BRCA1: variants seen among roughly 807,000 people sequenced by gnomAD.
BRCA1 encodes the protein BRCA1 DNA repair associated.
BRCA1 carries 140 observed loss-of-function variants against 173.7 expected under a neutral mutation model. That is an observed-to-expected ratio of 0.81 (90% confidence interval 0.70 to 0.93). The LOEUF (loss-of-function observed/expected upper bound fraction) is 0.93, where lower values mean the gene tolerates loss of function less well. BRCA1 is among the 40% of genes least tolerant of loss of function. The pLI is 0.00. For missense variants in BRCA1, 1,983 were observed against 2,172.5 expected (o/e 0.91, Z 1.73); for synonymous variants, 662 against 756.0 (o/e 0.88, Z 2.04).
At chr17:43,077,237 A>G (rs1302418662) in intron 12 of BRCA1, among the ~76,000 whole-genome samples, 1 of 152,228 alleles carries the variant, frequency 6.6e-6, no homozygotes, top group Non-Finnish European at 1.5e-5. Flanking sequence ...GTGCTGGTTG[A>G]TAAGAAATCT....
Position 43,070,969 on chromosome 17 carries a change from T to C in BRCA1, c.4945A>G (p.Arg1649Gly), listed in dbSNP as rs1312537519. Residue 1649 changes from arginine (R) to glycine (G), a missense_variant, in exon 15 of 23, where the codon AGA becomes GGA. Physicochemically the swap from Arg to Gly is moderately radical, Grantham distance 125. Coordinates refer to ENST00000357654, the MANE Select transcript of BRCA1 (RefSeq NM_007294.4). ...AGGCCAGACACCACCATGGACATTC[T>C]TTTGTTGACCCTTTCTGTTGAAGCT... ...LTASTERVNK[R>G]MSMVVSGLTP... 1.2e-6 allele frequency: 2 copies of C among 1,614,232 alleles called. No homozygotes were observed. The highest frequency in any genetic ancestry group is 1.7e-6 in the Non-Finnish European group (2 of 1,180,042).
intron 21 of BRCA1, among the ~76,000 whole-genome samples, chr17:43,048,424 C>T (rs1017588340): frequency 6.6e-6 from 1 of 151,834 alleles, no homozygotes; most frequent in African/African-American, 2.4e-5. Context: ...CCAGGATGGT[C>T]TCGATCTCTT....
rs4792972 is a variant in BRCA1 at position 43,048,520 on chromosome 17, T to C, written c.5406+601A>G. ...GCACCTAGCTTTTCTCTCTCTCTCT[T>C]TTTTTTTTTTTTTAGACAAAGTCTC... On this transcript the variant is annotated intron_variant, in intron 21 of 22. Coordinates refer to ENST00000357654, the MANE Select transcript of BRCA1 (RefSeq NM_007294.4). Among the ~76,000 whole-genome samples, 39,728 of 134,514 alleles carry C rather than the reference T, an allele frequency of 0.3. 5,825 individuals carry two copies. The highest frequency in any genetic ancestry group is 0.48 in the South Asian group (2,007 of 4,218). 88.2% of individuals were successfully genotyped at this position (134,514 alleles called of 152,430 possible). A position where few individuals can be genotyped will look rare whatever the true frequency, so the allele number is the denominator to read the frequency against.
intron 17 of BRCA1, 69 bp downstream of exon 17, chr17:43,063,805 A>T: frequency 7.6e-7 from 1 of 1,307,814 alleles, no homozygotes; most frequent in Non-Finnish European, 1.1e-6. Context: ...CTTAGGTGTT[A>T]AACGTTAGGT....
At chr17:43,149,105 T>C (rs1212240521) in intron 1 of BRCA1, among the ~76,000 whole-genome samples, 4 of 151,500 alleles carry the variant, frequency 2.6e-5, no homozygotes, top group African/African-American at 9.7e-5. Context: ...TTTTTTACTT[T>C]TTTTCCCCCC....
At chr17:43,142,992 G>GTGTATA (rs1555603711) in intron 1 of BRCA1, among the ~76,000 whole-genome samples, 6 of 146,058 alleles carry the variant, frequency 4.1e-5, no homozygotes, top group African/African-American at 1.3e-4. Flanking sequence ...ATATATATAT[G>GTGTATA]TATATATGTA....
intron 1 of BRCA1, chr17:43,140,206 G>A (rs1174783872): frequency 3.7e-5 from 10 of 271,256 alleles, no homozygotes; most frequent in South Asian, 1.1e-4. Context: ...TCCATGTGCC[G>A]GGAGGATGGT....
At position 43,094,730 on chromosome 17, in the gene BRCA1, T is replaced by A. The variant is rs2154492181; in HGVS notation, c.801A>T (p.Ser267=). Reference sequence around the variant, plus strand: ...TGCCACATGGCTCCACATGCAAGTTTGAAACAGAACTACCCTGATACTTTT... The same window carrying A: ...TGCCACATGGCTCCACATGCAAGTTAGAAACAGAACTACCCTGATACTTTT... ...HPEKYQGSSV[S]NLHVEPCGTN... The change falls in exon 10 of 23, where the codon TCA becomes TCT. Residue 267 remains serine (S), a synonymous_variant. Transcript: ENST00000357654. 1 of 1,611,686 alleles carries A rather than the reference T, an allele frequency of 6.2e-7. No homozygotes were observed. The highest frequency in any genetic ancestry group is 1.1e-5 in the South Asian group (1 of 90,960).
intron 3 of BRCA1, among the ~76,000 whole-genome samples, chr17:43,108,706 CAA>C (rs35561635): frequency 0.025 from 402 of 15,956 alleles, no homozygotes; most frequent in African/African-American, 0.087. Flanking sequence ...GACTCTGTCT[CAA>C]AAAAAAAAAA....
rs28897687 is a variant in BRCA1 at position 43,091,823 on chromosome 17, A to G, written c.3708T>C (p.Asn1236=). The G allele has an allele frequency of 6.2e-7, 1 of 1,614,168 alleles. No individual in the cohort carries two copies. The highest frequency in any genetic ancestry group is 1.1e-5 in the South Asian group (1 of 91,078). ...TATGCCTAGTAGACTGAGAAGGTAT[A>G]TTGTTTACTTTACCAAATAACAAGT... ...FQHLLFGKVN[N]IPSQSTRHST... is the part of the protein sequence containing the mutation. Residue 1236 remains asparagine (N), a synonymous_variant, in exon 10 of 23, where the codon AAT becomes AAC. Transcript: ENST00000357654.
Position 43,049,106 on chromosome 17 carries a change from G to A in BRCA1, c.5406+15C>T, listed in dbSNP as rs1057522056. 1 of 1,611,874 alleles carries A rather than the reference G, an allele frequency of 6.2e-7. No individual in the cohort carries two copies. Among genetic ancestry groups the A allele is most frequent in the South Asian group, 1.1e-5 (1 of 90,994 alleles). On this transcript the variant is annotated intron_variant, in intron 21 of 22. Transcript: ENST00000357654. Reference sequence around the variant, plus strand: ...TATTGTGTCCTCCCTCTCTGACAGGGCACCCAATACTTACTGTGCCAAGGG... The same window carrying A: ...TATTGTGTCCTCCCTCTCTGACAGGACACCCAATACTTACTGTGCCAAGGG...
rs80356995 is a variant in BRCA1 at position 43,092,749 on chromosome 17, C to T, written c.2782G>A (p.Gly928Ser). Residue 928 changes from glycine to serine, a missense_variant, in exon 10 of 23, where the codon GGC becomes AGC. Coordinates refer to ENST00000357654, the MANE Select transcript of BRCA1 (RefSeq NM_007294.4). ...TCTTTCTGACCAACCACAGGAAAGCCTGCAGTGATATTAACTGTCTGTACA... is the reference window on the plus strand; with the variant it reads ...TCTTTCTGACCAACCACAGGAAAGCTTGCAGTGATATTAACTGTCTGTACA... ...KPVQTVNITA[G>S]FPVVGQKDKP... The T allele has an allele frequency of 1.2e-6, 2 of 1,613,972 alleles. No homozygotes were observed. The highest frequency in any genetic ancestry group is 8.5e-7 in the Non-Finnish European group (1 of 1,180,008).
chr17:43,108,424 C>T (rs1448844401), intron 3 of BRCA1, among the ~76,000 whole-genome samples: 1 of 151,446 alleles, frequency 6.6e-6, no homozygotes, highest in Non-Finnish European at 1.5e-5. Flanking sequence ...TTATTACCCT[C>T]TCTTGGCCGG....
At chr17:43,139,481 T>A (rs2056057989) in intron 1 of BRCA1, among the ~76,000 whole-genome samples, 1 of 151,986 alleles carries the variant, frequency 6.6e-6, no homozygotes, top group South Asian at 2.1e-4. Flanking sequence ...CTCAGCCTCC[T>A]GAGTAGCTGG....
At chr17:43,158,376 C>G (rs1006841907) in intron 1 of BRCA1, among the ~76,000 whole-genome samples, 1 of 152,098 alleles carries the variant, frequency 6.6e-6, no homozygotes, top group Non-Finnish European at 1.5e-5. Flanking sequence ...TTGTTTTCCT[C>G]TTGTTTTTGT....
At position 43,092,135 on chromosome 17, in the gene BRCA1, G is replaced by C; in HGVS notation, c.3396C>G (p.Asn1132Lys). 1 of 1,613,522 alleles carries C rather than the reference G, an allele frequency of 6.2e-7. No individual in the cohort carries two copies. Among genetic ancestry groups the C allele is most frequent in the Non-Finnish European group, 8.5e-7 (1 of 1,179,702 alleles). Residue 1132 changes from asparagine (N) to lysine (K), a missense_variant, in exon 10 of 23, where the codon AAC (asparagine) becomes AAG (lysine). Asn to Lys is a moderately conservative substitution (Grantham distance 94). Transcript: ENST00000357654. Reference sequence around the variant, plus strand: ...GACTACTTCCCATAGGCTGTTCTAAGTTATCTGAAATCAGATATGGAGAGA... The same window carrying C: ...GACTACTTCCCATAGGCTGTTCTAACTTATCTGAAATCAGATATGGAGAGA... The part of the protein sequence containing the change: ...TDFSPYLISD[N>K]LEQPMGSSHA...
chr17:43,069,359 G>A (rs1356280881), intron 15 of BRCA1, among the ~76,000 whole-genome samples: 1 of 152,162 alleles, frequency 6.6e-6, no homozygotes, highest in African/African-American at 2.4e-5. Flanking sequence ...ACTTCACCAA[G>A]TCTGAATAGA....
At chr17:43,156,811 C>A (rs915873046) in intron 1 of BRCA1, among the ~76,000 whole-genome samples, 6 of 152,092 alleles carry the variant, frequency 3.9e-5, no homozygotes, top group African/African-American at 1.4e-4. Context: ...TAAACATAAA[C>A]TGTGAACAGA....
In BRCA1 at chr17:43,063,295, T is replaced by C. The variant is rs375647048; in HGVS notation, c.5193+38A>G. The C allele has an allele frequency of 3.1e-5, 47 of 1,529,864 alleles. No homozygotes were observed. The African/African-American group carries it at 5.7e-4, about 19-fold the overall frequency. The allele number at this position is 1,529,864 out of a possible 1,614,324, so 94.8% of individuals were successfully genotyped here. A position where few individuals can be genotyped will look rare whatever the true frequency, so the allele number is the denominator to read the frequency against. On this transcript the variant is annotated intron_variant, in intron 18 of 22. Transcript: ENST00000357654. ...ATACATTTTTAACTATATGACTGAATGAATATCTCTGGTTAGTTTGTAACA... is the reference window on the plus strand; with the variant it reads ...ATACATTTTTAACTATATGACTGAACGAATATCTCTGGTTAGTTTGTAACA...
Sources: allele counts gnomAD v4.1 joint callset (sites outside exome capture counted in the v4.1 genomes callset), GRCh38; gene constraint gnomAD v4.1.1; transcripts MANE v1.5; gene names NCBI Gene and HGNC (gene_info 2026-07-23, HGNC 2026-07-21).